Variants in CYBRD1 observed in about 807,000 individuals in gnomAD.
CYBRD1 encodes plasma membrane ascorbate-dependent reductase CYBRD1.
A neutral mutation model predicts 21.9 loss-of-function variants in CYBRD1; 14 were observed. That is an observed-to-expected ratio of 0.64 (90% confidence interval 0.42 to 1.00). The LOEUF is 1.00. Ranked by LOEUF, CYBRD1 falls within the 50% of genes least tolerant of loss-of-function variation. The pLI, the probability that CYBRD1 is intolerant of heterozygous loss-of-function variation, is 0.00. For synonymous variants in CYBRD1, 146 were observed against 136.5 expected (o/e 1.07, Z -0.48); for missense variants, 328 against 352.5 (o/e 0.93, Z 0.56).
At chr2:171,530,201 A>G (rs1449796333) in intron 1 of CYBRD1, among the ~76,000 whole-genome samples, 2 of 152,156 alleles carry the variant, frequency 1.3e-5, no homozygotes, top group African/African-American at 2.4e-5. Context: ...TAACACCTTG[A>G]TTTTTAATTT....
intron 2 of CYBRD1, among the ~76,000 whole-genome samples, chr2:171,548,022 T>A (rs1173935654): frequency 6.6e-6 from 1 of 152,170 alleles, no homozygotes; most frequent in Non-Finnish European, 1.5e-5. Flanking sequence ...TGTAGAATAT[T>A]GGCAGGAGAC....
chr2:171,547,728 T>A (rs534485160), intron 2 of CYBRD1, among the ~76,000 whole-genome samples: 1 of 152,274 alleles, frequency 6.6e-6, no homozygotes, highest in Non-Finnish European at 1.5e-5. Context: ...GTTTTTCCCA[T>A]GAGGTGATAG....
intron 1 of CYBRD1, among the ~76,000 whole-genome samples, chr2:171,539,449 A>G (rs1697595613): frequency 6.6e-6 from 1 of 152,168 alleles, no homozygotes; most frequent in Admixed American, 6.5e-5. Context: ...GCAACACTAC[A>G]TTCCAGCCTG....
chr2:171,523,296 A>G lies in CYBRD1; in HGVS notation c.193+558A>G, dbSNP rs867151048. The G allele has an allele frequency of 4.6e-5, 20 of 431,606 alleles. 1 individual carries two copies. In the Middle Eastern group the frequency reaches 5.0e-3, roughly 109 times the overall value. 26.7% of individuals were successfully genotyped at this position (431,606 alleles called of 1,614,324 possible). ...GGAGCGAGAATTTGCCCGTATTTGT[A>G]ACATCCTCGGCCCTGGGTAAAGGGG... is the stretch of plus-strand genomic sequence containing the variant. On this transcript the variant is annotated intron_variant, in intron 1 of 3. Coordinates refer to ENST00000321348, the MANE Select transcript of CYBRD1 (RefSeq NM_024843.4).
intron 1 of CYBRD1, among the ~76,000 whole-genome samples, chr2:171,538,299 T>C (rs1026875815): frequency 3.3e-5 from 5 of 152,060 alleles, no homozygotes; most frequent in African/African-American, 7.2e-5. Flanking sequence ...AAAATACTTA[T>C]GGAGGAGCTA....
intron 2 of CYBRD1, among the ~76,000 whole-genome samples, chr2:171,545,854 TC>T (rs1159264259): frequency 1.3e-5 from 2 of 152,146 alleles, no homozygotes; most frequent in African/African-American, 2.4e-5. Context: ...CCAGTTCTTC[TC>T]TTCTAGGTAT....
At chr2:171,543,762 A>G (rs1285513529) in intron 2 of CYBRD1, among the ~76,000 whole-genome samples, 4 of 152,092 alleles carry the variant, frequency 2.6e-5, no homozygotes, top group Non-Finnish European at 4.4e-5. Context: ...ACTTTTTTTT[A>G]ACTCTACTGA....
chr2:171,540,375 T>G (rs1341299654), intron 1 of CYBRD1, among the ~76,000 whole-genome samples: 1 of 152,246 alleles, frequency 6.6e-6, no homozygotes, highest in Non-Finnish European at 1.5e-5. Flanking sequence ...TAAATTTATT[T>G]ATTCATTCTA....
At chr2:171,525,445 C>A (rs1439707550) in intron 1 of CYBRD1, among the ~76,000 whole-genome samples, 2 of 152,146 alleles carry the variant, frequency 1.3e-5, no homozygotes, top group African/African-American at 4.8e-5. Context: ...GCCAACCCAT[C>A]CACATTCCTC....
chr2:171,551,843 A>G (rs1170092833), intron 2 of CYBRD1, among the ~76,000 whole-genome samples: 1 of 152,218 alleles, frequency 6.6e-6, no homozygotes, highest in Admixed American at 6.5e-5. Flanking sequence ...ATTTATACCT[A>G]GCAAACTTGA....
At position 171,555,602 on chromosome 2, in the gene CYBRD1, C is replaced by A. The variant is rs533740632; in HGVS notation, c.*775C>A. 1 of 152,344 alleles carries A rather than the reference C, an allele frequency of 6.6e-6. No homozygotes were observed. The highest frequency in any genetic ancestry group is 2.4e-5 in the African/African-American group (1 of 41,558). The allele number at this position is 152,344 out of a possible 1,614,324, so 9.4% of individuals were successfully genotyped here. A position where few individuals can be genotyped will look rare whatever the true frequency, so the allele number is the denominator to read the frequency against. ...TTCAACACTTAAGTAGCATACACTG[C>A]CCTACAAACCTCAGAGAGCACTTTT... is the stretch of plus-strand genomic sequence containing the variant. On this transcript the variant is annotated 3_prime_UTR_variant, in exon 4 of 4. Coordinates refer to ENST00000321348, the MANE Select transcript of CYBRD1 (RefSeq NM_024843.4).
At position 171,556,798 on chromosome 2, in the gene CYBRD1, A is replaced by G. The variant is rs1683495642; in HGVS notation, c.*1971A>G. 6.6e-6 allele frequency: 1 copy of G among 152,232 alleles called. No homozygotes were observed. Among genetic ancestry groups the G allele is most frequent in the Admixed American group, 6.5e-5 (1 of 15,268 alleles). 9.4% of individuals were successfully genotyped at this position (152,232 alleles called of 1,614,324 possible). A position where few individuals can be genotyped will look rare whatever the true frequency, so the allele number is the denominator to read the frequency against. On this transcript the variant is annotated 3_prime_UTR_variant, in exon 4 of 4. Transcript: ENST00000321348. ...ATTCAGTATGGGTGGAGCATGGTACAGTCTTGGTGCCATAGAAGGAGTAGT... is the reference window on the plus strand; with the variant it reads ...ATTCAGTATGGGTGGAGCATGGTACGGTCTTGGTGCCATAGAAGGAGTAGT...
intron 1 of CYBRD1, among the ~76,000 whole-genome samples, chr2:171,524,532 AGAG>A (rs1168137405): frequency 5.9e-5 from 9 of 152,344 alleles, no homozygotes; most frequent in African/African-American, 1.9e-4. Flanking sequence ...GACTTGCCAC[AGAG>A]GAGAAGACAT....
chr2:171,543,003 TAGGTAAC>T (rs1697658538), intron 2 of CYBRD1, among the ~76,000 whole-genome samples: 1 of 152,226 alleles, frequency 6.6e-6, no homozygotes, highest in African/African-American at 2.4e-5. Context: ...GCTATTTACT[TAGGTAAC>T]TATAAGGGAA....
intron 1 of CYBRD1, among the ~76,000 whole-genome samples, chr2:171,530,368 A>G (rs1697447189): frequency 6.6e-6 from 1 of 152,252 alleles, no homozygotes; most frequent in African/African-American, 2.4e-5. Flanking sequence ...AGGTATTTAC[A>G]GATTTTTCAT....
chr2:171,554,721 A>C lies in CYBRD1; in HGVS notation c.755A>C (p.Tyr252Ser), dbSNP rs1306900605. The C allele has an allele frequency of 1.2e-6, 2 of 1,614,036 alleles. No individual in the cohort carries two copies. The highest frequency in any genetic ancestry group is 1.7e-5 in the Admixed American group (1 of 59,982). Residue 252 changes from tyrosine (Y) to serine (S), a missense_variant, in exon 4 of 4, where the codon TAC becomes TCC. Coordinates refer to ENST00000321348, the MANE Select transcript of CYBRD1 (RefSeq NM_024843.4). ...EQGARGSMPA[Y>S]SGNNMDKSDS... ...GGAGCAAGAGGTTCCATGCCAGCCT[A>C]CTCTGGCAACAACATGGACAAATCA...
Position 171,533,625 on chromosome 2 carries a change from T to C in CYBRD1, c.194-7960T>C, listed in dbSNP as rs1326772093. Among the ~76,000 whole-genome samples the C allele has an allele frequency of 2.0e-5, 3 of 152,334 alleles. No homozygotes were observed. In the East Asian group the frequency reaches 5.8e-4, roughly 29 times the overall value. ...CTGCTCTAAGACAAACTTGTGTATA[T>C]AAATAGTTTTGTAATGGTATATGGA... On this transcript the variant is annotated intron_variant, in intron 1 of 3. Coordinates refer to ENST00000321348, the MANE Select transcript of CYBRD1 (RefSeq NM_024843.4).
intron 2 of CYBRD1, among the ~76,000 whole-genome samples, chr2:171,551,377 A>G (rs1406007425): frequency 6.6e-6 from 1 of 152,128 alleles, no homozygotes; most frequent in Non-Finnish European, 1.5e-5. Flanking sequence ...CCTCTGAACC[A>G]TTTCTAATAT....
rs1683516378 is a variant in CYBRD1 at position 171,557,888 on chromosome 2, A to G, written c.*3061A>G. 1 of 152,212 alleles carries G rather than the reference A, an allele frequency of 6.6e-6. No individual in the cohort carries two copies. Among genetic ancestry groups the G allele is most frequent in the Non-Finnish European group, 1.5e-5 (1 of 68,036 alleles). 9.4% of individuals were successfully genotyped at this position (152,212 alleles called of 1,614,324 possible). On this transcript the variant is annotated 3_prime_UTR_variant, in exon 4 of 4. Coordinates refer to ENST00000321348, the MANE Select transcript of CYBRD1 (RefSeq NM_024843.4). ...TTTATCTTGGTATGTCCTTTTTTAG[A>G]TAACTCCAGCAGGAAACTGTAACTG...
Sources: allele counts gnomAD v4.1 joint callset (sites outside exome capture counted in the v4.1 genomes callset), GRCh38; gene constraint gnomAD v4.1.1; transcripts MANE v1.5; gene names NCBI Gene and HGNC (gene_info 2026-07-23, HGNC 2026-07-21).